PRR12: variants seen among roughly 807,000 people sequenced by gnomAD.
The protein encoded by PRR12 is proline rich 12.
In PRR12, 12 loss-of-function variants were observed where a neutral mutation model predicts 138.0. The ratio of observed to expected loss-of-function variants is 0.09; its 90% CI spans 0.06 to 0.14. PRR12 has a LOEUF of 0.14. Among genes scored for constraint, PRR12 ranks in the 10% least tolerant of loss-of-function variants. The pLI is 1.00. For synonymous variants in PRR12, 1,567 were observed against 1,291.7 expected (o/e 1.21, Z -4.57); for missense variants, 2,692 against 2,861.3 (o/e 0.94, Z 1.35).
chr19:49,607,139 AAAAG>A (rs750626085), intron 6 of PRR12, among the ~76,000 whole-genome samples: 2 of 152,094 alleles, frequency 1.3e-5, no homozygotes, highest in Admixed American at 6.6e-5. Context: ...AAGGAAAAAA[AAAAG>A]AAAGAAAGAA....
At chr19:49,619,967 C>T (rs2080913498) in intron 9 of PRR12, among the ~76,000 whole-genome samples, 1 of 149,674 alleles carries the variant, frequency 6.7e-6, no homozygotes, top group South Asian at 2.2e-4. Flanking sequence ...GCCGTCCTAC[C>T]TCAGCCTTCC....
At chr19:49,604,301 G>A (rs2080827321) in intron 6 of PRR12, among the ~76,000 whole-genome samples, 1 of 150,992 alleles carries the variant, frequency 6.6e-6, no homozygotes. Context: ...CCAGGAGTTT[G>A]AGACCAGCTA....
chr19:49,626,387 A>T lies in PRR12; in HGVS notation c.*780A>T, dbSNP rs2080956263. The T allele has an allele frequency of 1.3e-5, 2 of 152,132 alleles. No homozygotes were observed. The highest frequency in any genetic ancestry group is 1.3e-4 in the Admixed American group (2 of 15,276). The allele number at this position is 152,132 out of a possible 1,614,324, so 9.4% of individuals were successfully genotyped here. A position where few individuals can be genotyped will look rare whatever the true frequency, so the allele number is the denominator to read the frequency against. On this transcript the variant is annotated 3_prime_UTR_variant, in exon 14 of 14. Coordinates refer to ENST00000418929, the MANE Select transcript of PRR12 (RefSeq NM_020719.3). ...TGGGCTTCTGTACAACTCAACTTGT[A>T]TACACTGTGTACACACAACCAGCCA... is the stretch of plus-strand genomic sequence containing the variant.
Position 49,591,551 on chromosome 19 carries a change from A to C in PRR12, c.-104A>C. On this transcript the variant is annotated 5_prime_UTR_variant, in exon 1 of 14. Transcript: ENST00000418929. ...AAAAAGAGAGAGAGAAAAGGGGGGA[A>C]AAAAAAGCAGCAGCGGAGGGAGCGG... 1.8e-6 allele frequency: 1 copy of C among 563,664 alleles called. No homozygotes were observed. 34.9% of individuals were successfully genotyped at this position (563,664 alleles called of 1,614,324 possible).
In PRR12 at chr19:49,599,445, C is replaced by T. The variant is rs751347427; in HGVS notation, c.3852C>T (p.Ser1284=). 1.2e-5 allele frequency: 20 copies of T among 1,606,020 alleles called. 1 individual carries two copies. The highest frequency in any genetic ancestry group is 1.7e-5 in the Non-Finnish European group (20 of 1,176,900). ...QPEMKSGFMA[S]FLDFLKSGKR... ...AGATGAAGTCGGGTTTCATGGCCTC[C>T]TTCTTGGACTTCCTCAAGTCAGGCA... The change falls in exon 5 of 14, where the codon TCC becomes TCT. Residue 1284 remains serine (S), a synonymous_variant. Transcript: ENST00000418929. The surrounding 1 kb of genome is among the most constrained non-coding windows in gnomAD (Gnocchi z 5.0).
intron 5 of PRR12, among the ~76,000 whole-genome samples, chr19:49,600,881 T>G (rs2080806682): frequency 6.6e-6 from 1 of 151,920 alleles, no homozygotes; most frequent in African/African-American, 2.4e-5. Flanking sequence ...CGCACCACCA[T>G]GCCCAGCTAA....
intron 6 of PRR12, among the ~76,000 whole-genome samples, chr19:49,606,354 C>T (rs2080838070): frequency 1.3e-5 from 2 of 150,838 alleles, no homozygotes; most frequent in Admixed American, 1.3e-4. Flanking sequence ...GTCTGTCTCC[C>T]AGGGTGGAGT....
chr19:49,597,453 C>T lies in PRR12; in HGVS notation c.3118C>T (p.Pro1040Ser), dbSNP rs1488689358. ...IQSGPHQAAP[P>S]PPPPPPPPPA... is the part of the protein sequence containing the mutation. ...GAGTGGCCCCCACCAGGCGGCGCCACCACCCCCGCCTCCGCCACCGCCGCC... is the reference window on the plus strand; with the variant it reads ...GAGTGGCCCCCACCAGGCGGCGCCATCACCCCCGCCTCCGCCACCGCCGCC... Residue 1040 changes from proline to serine, a missense_variant, in exon 4 of 14, where the codon CCA becomes TCA. Physicochemically the swap from Pro to Ser is moderately conservative, Grantham distance 74. Coordinates refer to ENST00000418929, the MANE Select transcript of PRR12 (RefSeq NM_020719.3). This position sits in a 1 kb window ranked among gnomAD's most constrained non-coding sequence, Gnocchi z 6.3. 1.9e-5 allele frequency: 30 copies of T among 1,539,960 alleles called. No individual in the cohort carries two copies. The highest frequency in any genetic ancestry group is 1.7e-4 in the Middle Eastern group (1 of 6,006).
At position 49,595,788 on chromosome 19, in the gene PRR12, G is replaced by A. The variant is rs2080763669; in HGVS notation, c.1453G>A (p.Gly485Ser). The A allele has an allele frequency of 6.3e-7, 1 of 1,596,554 alleles. No homozygotes were observed. Among genetic ancestry groups the A allele is most frequent in the Non-Finnish European group, 8.5e-7 (1 of 1,173,150 alleles). ...YSGGPPQPPS[G>S]PPPPGLATCQ... ...AGGGGGCCCCCCACAGCCCCCCAGC[G>A]GCCCCCCTCCTCCTGGCCTGGCCAC... The change falls in exon 4 of 14, where the codon GGC (glycine) becomes AGC (serine). Residue 485 changes from glycine to serine, a missense_variant. Gly to Ser is a moderately conservative substitution (Grantham distance 56). Transcript: ENST00000418929.
In PRR12 at chr19:49,597,366, G is replaced by A. The variant is rs1218742619; in HGVS notation, c.3031G>A (p.Asp1011Asn). 1 of 1,538,452 alleles carries A rather than the reference G, an allele frequency of 6.5e-7. No individual in the cohort carries two copies. Among genetic ancestry groups the A allele is most frequent in the Admixed American group, 2.0e-5 (1 of 50,984 alleles). The change falls in exon 4 of 14, where the codon GAC (aspartate) becomes AAC (asparagine). Residue 1011 changes from aspartate to asparagine, a missense_variant. Asp to Asn is a conservative substitution (Grantham distance 23). This residue lies in a region of PRR12 where 840 missense variants were observed against 689.8 expected (regional missense o/e 1.22). Transcript: ENST00000418929. This position sits in a 1 kb window ranked among gnomAD's most constrained non-coding sequence, Gnocchi z 6.3. ...GCCCGAGACACCGGGCCTGGGCCTGGACCCCAACAAACCGCCTGAACTGCC... is the reference window on the plus strand; with the variant it reads ...GCCCGAGACACCGGGCCTGGGCCTGAACCCCAACAAACCGCCTGAACTGCC... Reference protein sequence around the residue: ...AGPETPGLGLDPNKPPELPST... With the variant: ...AGPETPGLGLNPNKPPELPST...
chr19:49,619,258 C>G (rs1434032831), intron 9 of PRR12, among the ~76,000 whole-genome samples: 2 of 106,676 alleles, frequency 1.9e-5, no homozygotes, highest in East Asian at 3.0e-4. Flanking sequence ...TTGAGACAGT[C>G]TTGCTCTCGT....
Position 49,594,952 on chromosome 19 carries a change from A to G in PRR12, c.617A>G (p.Glu206Gly). ...APTVPSSLGF[E>G]RLAGGGVLGP... ...ACGGTGCCCTCTTCACTGGGCTTCG[A>G]GCGCCTGGCAGGGGGCGGTGTCTTG... Residue 206 changes from glutamate (E) to glycine (G), a missense_variant, in exon 4 of 14, where the codon GAG becomes GGG. By Grantham distance (98) the Glu-to-Gly change is moderately conservative. Coordinates refer to ENST00000418929, the MANE Select transcript of PRR12 (RefSeq NM_020719.3). The surrounding 1 kb of genome is among the most constrained non-coding windows in gnomAD (Gnocchi z 5.6). 1 of 1,601,034 alleles carries G rather than the reference A, an allele frequency of 6.2e-7. No individual in the cohort carries two copies. Among genetic ancestry groups the G allele is most frequent in the Non-Finnish European group, 8.5e-7 (1 of 1,174,966 alleles).
At position 49,597,705 on chromosome 19, in the gene PRR12, C is replaced by G; in HGVS notation, c.3370C>G (p.Leu1124Val). Reference sequence around the variant, plus strand: ...CCTCAACCCCCGGCGCTTGCCTGACCTGGTCTCCAGCTGCCGCTCCCGTCC... The same window carrying G: ...CCTCAACCCCCGGCGCTTGCCTGACGTGGTCTCCAGCTGCCGCTCCCGTCC... ...IRLNPRRLPD[L>V]VSSCRSRPAL... The change falls in exon 4 of 14, where the codon CTG (leucine) becomes GTG (valine). Residue 1124 changes from leucine (L) to valine (V), a missense_variant. Leu to Val is a conservative substitution (Grantham distance 32, BLOSUM62 1). Coordinates refer to ENST00000418929, the MANE Select transcript of PRR12 (RefSeq NM_020719.3). The surrounding 1 kb of genome is among the most constrained non-coding windows in gnomAD (Gnocchi z 6.3). The G allele has an allele frequency of 1.2e-6, 2 of 1,606,858 alleles. No individual in the cohort carries two copies. Among genetic ancestry groups the G allele is most frequent in the Non-Finnish European group, 1.7e-6 (2 of 1,177,838 alleles).
At chr19:49,606,645 C>CTTT (rs1230626073) in intron 6 of PRR12, among the ~76,000 whole-genome samples, 19 of 128,140 alleles carry the variant, frequency 1.5e-4, no homozygotes, top group African/African-American at 2.7e-4. Flanking sequence ...TACCATCTCT[C>CTTT]TTTTTTTTTT....
intron 6 of PRR12, among the ~76,000 whole-genome samples, chr19:49,611,100 C>G (rs987195872): frequency 1.3e-5 from 2 of 151,968 alleles, no homozygotes; most frequent in African/African-American, 4.8e-5. Flanking sequence ...CCTCGGCCTT[C>G]CAAAGCGTTG....
At position 49,594,499 on chromosome 19, in the gene PRR12, C is replaced by G. The variant is rs2080750762; in HGVS notation, c.245C>G (p.Ala82Gly). ...ACTGGCCTCCACCACGCGGGCTCAG[C>G]AGGGCCCGACGCCTCCGTCATGAAC... is the stretch of plus-strand genomic sequence containing the variant. The part of the protein sequence containing the change: ...FDTGLHHAGS[A>G]GPDASVMNLI... Residue 82 changes from alanine (A) to glycine (G), a missense_variant, in exon 3 of 14, where the codon GCA (alanine) becomes GGA (glycine). Physicochemically the swap from Ala to Gly is moderately conservative, Grantham distance 60. Transcript: ENST00000418929. The surrounding 1 kb of genome is among the most constrained non-coding windows in gnomAD (Gnocchi z 5.6). 17 of 1,613,066 alleles carry G rather than the reference C, an allele frequency of 1.1e-5. No individual in the cohort carries two copies. Among genetic ancestry groups the G allele is most frequent in the African/African-American group, 2.7e-5 (2 of 74,902 alleles).
chr19:49,591,762 AG>A lies in PRR12; in HGVS notation c.86+23del, dbSNP rs758768476. 22 of 1,413,970 alleles carry A rather than the reference AG, an allele frequency of 1.6e-5. No homozygotes were observed. The African/African-American group carries it at 3.2e-4, about 20-fold the overall frequency. The allele number at this position is 1,413,970 out of a possible 1,614,324, so 87.6% of individuals were successfully genotyped here. A position where few individuals can be genotyped will look rare whatever the true frequency, so the allele number is the denominator to read the frequency against. On this transcript the variant is annotated intron_variant, in intron 1 of 13. Transcript: ENST00000418929. ...CTAGGTAAGGAGCTGAGGGTGGCCT[AG>A]AGAAGGGGGCCAAGGGGTGGGAGCC...
chr19:49,611,620 ACT>A (rs1272591842), intron 6 of PRR12, among the ~76,000 whole-genome samples: 1 of 148,332 alleles, frequency 6.7e-6, no homozygotes, highest in Non-Finnish European at 1.5e-5. Context: ...CCTAGGCGAA[ACT>A]CTATCTAAAA....
chr19:49,619,224 G>GTTTTTTTTTTTT (rs34027784), intron 9 of PRR12, among the ~76,000 whole-genome samples: 3 of 79,768 alleles, frequency 3.8e-5, no homozygotes, highest in Admixed American at 1.7e-4. Context: ...CCTCCTGTGA[G>GTTTTTTTTTTTT]TTTTTTTTTT....
Sources: gnomAD v4.1 joint callset for allele counts (sites outside exome capture counted in the v4.1 genomes callset) on GRCh38, gnomAD v4.1.1 for gene constraint, gnomAD v4.1.1 regional missense constraint, Gnocchi (gnomAD v3.1) non-coding constraint, MANE v1.5 for transcripts, NCBI Gene and HGNC (gene_info 2026-07-23, HGNC 2026-07-21) for gene names.